The following MYO18B variants were observed in gnomAD, a reference collection of about 807,000 sequenced individuals.
MYO18B encodes unconventional myosin-XVIIIb.
Under a neutral mutation model 273.0 loss-of-function variants are expected in MYO18B, and 204 were observed. The ratio of observed to expected loss-of-function variants is 0.75; its 90% CI spans 0.67 to 0.84. MYO18B has a LOEUF of 0.84. Among genes scored for constraint, MYO18B ranks in the 40% least tolerant of loss-of-function variants. The pLI is 0.00. For missense variants in MYO18B, 3,212 were observed against 3,287.6 expected (o/e 0.98, Z 0.56); for synonymous variants, 1,330 against 1,305.7 (o/e 1.02, Z -0.40).
At chr22:25,911,677 C>T (rs1203789168) in intron 33 of MYO18B, among the ~76,000 whole-genome samples, 2 of 152,240 alleles carry the variant, frequency 1.3e-5, no homozygotes, top group Non-Finnish European at 2.9e-5. Flanking sequence ...TCCCTGACCT[C>T]TACCCACCAC....
chr22:25,968,540 C>A (rs867524359), intron 39 of MYO18B, among the ~76,000 whole-genome samples: 3 of 152,106 alleles, frequency 2.0e-5, no homozygotes, highest in Middle Eastern at 6.8e-3. Context: ...TTGACTTTTT[C>A]CTCCTCCTTT....
intron 5 of MYO18B, 98 bp from the exon 6 acceptor site, chr22:25,770,774 C>G (rs1023450077): frequency 3.6e-6 from 3 of 832,026 alleles, no homozygotes; most frequent in Admixed American, 2.3e-5. Flanking sequence ...CTTGCTGGCC[C>G]GGCTTAGAGC....
chr22:25,801,827 A>G (rs988876161), intron 12 of MYO18B, among the ~76,000 whole-genome samples: 36 of 152,220 alleles, frequency 2.4e-4, no homozygotes, highest in African/African-American at 7.5e-4. Context: ...GATGCGCAGC[A>G]GAGAGTTTCA....
In MYO18B at chr22:25,823,620, C is replaced by T; in HGVS notation, c.2637C>T (p.Ile879=). Residue 879 remains isoleucine, a synonymous_variant, in exon 13 of 44, where the codon ATC becomes ATT. Transcript: ENST00000335473. ...TCAAGCACCACCTTCGACAGATCAT[C>T]CAGCAAATGACGTTTGGGCCAAGCC... ...ATFKHHLRQI[I]QQMTFGPSRW... is the part of the protein sequence containing the mutation. 4 of 1,613,962 alleles carry T rather than the reference C, an allele frequency of 2.5e-6. No individual in the cohort carries two copies. The highest frequency in any genetic ancestry group is 1.1e-5 in the South Asian group (1 of 91,068).
intron 41 of MYO18B, 23 bp downstream of exon 41, chr22:26,003,332 T>C (rs1934146661): frequency 6.3e-7 from 1 of 1,597,286 alleles, no homozygotes; most frequent in Non-Finnish European, 8.5e-7. Flanking sequence ...CAGGTAGAAC[T>C]GAGCAGCTCA....
chr22:25,946,343 G>A, intron 35 of MYO18B, 93 bp downstream of exon 35: 2 of 792,502 alleles, frequency 2.5e-6, no homozygotes, highest in African/African-American at 1.8e-5. Flanking sequence ...ACTATAGGAA[G>A]TATGAGGACA....
intron 25 of MYO18B, among the ~76,000 whole-genome samples, 181 bp downstream of exon 25, chr22:25,878,229 G>T (rs1483707058): frequency 6.6e-6 from 1 of 152,088 alleles, no homozygotes; most frequent in African/African-American, 2.4e-5. Flanking sequence ...TGAGGCCCTG[G>T]GATATTAAGT....
At chr22:25,940,615 C>T (rs541945527) in intron 34 of MYO18B, among the ~76,000 whole-genome samples, 2 of 152,326 alleles carry the variant, frequency 1.3e-5, no homozygotes, top group South Asian at 4.1e-4. Context: ...CCACATGATA[C>T]TGTGTGATGT....
At position 25,946,175 on chromosome 22, in the gene MYO18B, G is replaced by A; in HGVS notation, c.5556G>A (p.Lys1852=). 6.3e-7 allele frequency: 1 copy of A among 1,577,910 alleles called. No homozygotes were observed. Among genetic ancestry groups the A allele is most frequent in the Non-Finnish European group, 8.6e-7 (1 of 1,165,086 alleles). Residue 1852 remains lysine (K), a synonymous_variant, in exon 35 of 44, where the codon AAG becomes AAA. Coordinates refer to ENST00000335473, the MANE Select transcript of MYO18B (RefSeq NM_032608.7). ...QSEAKCEEAL[K]TQKVLTADLE... is the part of the protein sequence containing the mutation. ...AAGCCAAGTGTGAGGAGGCCTTGAA[G>A]ACGCAGAAGGTGCTCACAGCGGACC...
Position 26,003,266 on chromosome 22 carries a change from G to A in MYO18B, c.6289G>A (p.Val2097Ile). The A allele has an allele frequency of 6.2e-7, 1 of 1,608,884 alleles. No individual in the cohort carries two copies. Among genetic ancestry groups the A allele is most frequent in the Non-Finnish European group, 8.5e-7 (1 of 1,177,700 alleles). The change falls in exon 41 of 44, where the codon GTC becomes ATC. Residue 2097 changes from valine (V) to isoleucine (I), a missense_variant and splice_region_variant. Coordinates refer to ENST00000335473, the MANE Select transcript of MYO18B (RefSeq NM_032608.7). ...ACTCTTTCTTGTGCCTCTTACTAGT[G>A]TCCAGACGGCAGTGGATTGTGGCAG... ...VASSDSDTESVQTAVDCGSSG... is the reference protein window; with the variant it reads ...VASSDSDTESIQTAVDCGSSG...
intron 20 of MYO18B, 40 bp downstream of exon 20, chr22:25,847,692 C>A (rs1342940771): frequency 6.8e-7 from 1 of 1,471,716 alleles, no homozygotes. Flanking sequence ...TCTCTGACTC[C>A]TGGGACATGT....
rs758694811 is a variant in MYO18B at position 25,891,342 on chromosome 22, G to C, written c.4473G>C (p.Val1491=). 8 of 1,582,752 alleles carry C rather than the reference G, an allele frequency of 5.1e-6. No individual in the cohort carries two copies. Among genetic ancestry groups the C allele is most frequent in the Non-Finnish European group, 6.0e-6 (7 of 1,164,144 alleles). ...AAGTCCAGAAAAAACTGGGAGATGT[G>C]AATAAACAGTTGGAAGAAGCCCAGC... ...HEQVQKKLGD[V]NKQLEEAQQK... The change falls in exon 27 of 44, where the codon GTG becomes GTC. Residue 1491 remains valine, a synonymous_variant. Transcript: ENST00000335473.
At chr22:25,909,782 A>G (rs1258862152) in intron 32 of MYO18B, among the ~76,000 whole-genome samples, 3 of 152,192 alleles carry the variant, frequency 2.0e-5, no homozygotes, top group Admixed American at 1.3e-4. Context: ...TGTTCAGTCT[A>G]TCTCTCACGT....
intron 28 of MYO18B, chr22:25,896,303 T>A (rs2091798895): frequency 6.6e-6 from 1 of 152,144 alleles, no homozygotes; most frequent in African/African-American, 2.4e-5. Context: ...GGAGCTTTTA[T>A]TTTCTCTTCT....
intron 42 of MYO18B, among the ~76,000 whole-genome samples, chr22:26,013,032 A>G (rs1935035947): frequency 6.6e-6 from 1 of 152,172 alleles, no homozygotes; most frequent in Admixed American, 6.5e-5. Flanking sequence ...TGTATATTAG[A>G]TATGCCCCTT....
intron 32 of MYO18B, among the ~76,000 whole-genome samples, chr22:25,909,215 T>G (rs539262017): frequency 1.2e-4 from 19 of 152,242 alleles, no homozygotes; most frequent in Non-Finnish European, 2.1e-4. Flanking sequence ...GTGGAATTGC[T>G]GGAAAGCTTC....
chr22:25,947,635 CTT>C, intron 35 of MYO18B, 75 bp from the exon 36 acceptor site: 1 of 1,085,882 alleles, frequency 9.2e-7, no homozygotes, highest in South Asian at 1.3e-5. Context: ...GCAAGCCCCT[CTT>C]TGCTCTTCCT....
chr22:25,993,702 G>A (rs1193083895), intron 40 of MYO18B, among the ~76,000 whole-genome samples: 1 of 152,142 alleles, frequency 6.6e-6, no homozygotes, highest in Non-Finnish European at 1.5e-5. Context: ...CTGGAGGCAG[G>A]GGTAGCTGCT....
chr22:25,856,534 T>C (rs966907159), intron 21 of MYO18B, among the ~76,000 whole-genome samples: 1 of 152,192 alleles, frequency 6.6e-6, no homozygotes, highest in Non-Finnish European at 1.5e-5. Flanking sequence ...ACTAAAACAT[T>C]TGATGTTTCC....
Sources: gnomAD v4.1 joint callset for allele counts (sites outside exome capture counted in the v4.1 genomes callset) on GRCh38, gnomAD v4.1.1 for gene constraint, MANE v1.5 for transcripts, NCBI Gene and HGNC (gene_info 2026-07-23, HGNC 2026-07-21) for gene names.